Variants in PCSK2 observed in about 807,000 individuals in gnomAD.
The protein encoded by PCSK2 is neuroendocrine convertase 2.
In PCSK2, 14 loss-of-function variants were observed where a neutral mutation model predicts 69.7. The observed-to-expected ratio is 0.20, with a 90% CI of 0.13 to 0.31. The LOEUF (loss-of-function observed/expected upper bound fraction) is 0.31, where lower values mean the gene tolerates loss of function less well. PCSK2 is among the 10% of genes least tolerant of loss of function. The pLI is 1.00. For missense variants in PCSK2, 544 were observed against 842.5 expected, an observed-to-expected ratio of 0.65 and a Z score of 4.39; for synonymous variants, 307 against 320.7, an observed-to-expected ratio of 0.96 and a Z score of 0.46.
chr20:17,250,657 C>A (rs1600410399), intron 1 of PCSK2, among the ~76,000 whole-genome samples: 1 of 152,116 alleles, frequency 6.6e-6, no homozygotes. Flanking sequence ...GGCAATTCCA[C>A]TGTAAGGAAG....
intron 7 of PCSK2, 123 bp downstream of exon 7, chr20:17,429,646 G>T: frequency 3.2e-6 from 2 of 619,294 alleles, no homozygotes; most frequent in Non-Finnish European, 2.7e-6. Context: ...TGGCACAAGT[G>T]AAAAAAATTT....
chr20:17,256,836 T>G (rs925376719), intron 1 of PCSK2, among the ~76,000 whole-genome samples: 4 of 152,140 alleles, frequency 2.6e-5, no homozygotes, highest in African/African-American at 9.7e-5. Context: ...GTGTTCTCAT[T>G]GTTCAACTCC....
At chr20:17,358,132 C>CCG (rs759744301) in intron 2 of PCSK2, among the ~76,000 whole-genome samples, 195 bp from the exon 3 acceptor site, 49 of 150,998 alleles carry the variant, frequency 3.2e-4, no homozygotes, top group Non-Finnish European at 5.3e-4. Flanking sequence ...ATAGCGAGAC[C>CCG]CCCCCTAATC....
At chr20:17,375,668 G>A (rs1399302458) in intron 5 of PCSK2, among the ~76,000 whole-genome samples, 1 of 152,134 alleles carries the variant, frequency 6.6e-6, no homozygotes, top group East Asian at 1.9e-4. Flanking sequence ...ATCAACTCCT[G>A]TTCTGATGGC....
intron 2 of PCSK2, among the ~76,000 whole-genome samples, chr20:17,269,143 G>A (rs6044715): frequency 0.32 from 47,951 of 152,120 alleles, 8,242 homozygotes; most frequent in Middle Eastern, 0.46. Context: ...AAGTGGAGAT[G>A]ATGTGAAATG....
chr20:17,395,598 TATA>T (rs942037990), intron 5 of PCSK2, among the ~76,000 whole-genome samples: 1 of 152,184 alleles, frequency 6.6e-6, no homozygotes, highest in African/African-American at 2.4e-5. Context: ...GAATGGGGGT[TATA>T]ATATTTAATT....
intron 8 of PCSK2, among the ~76,000 whole-genome samples, chr20:17,450,678 T>G (rs2032805661): frequency 6.6e-6 from 1 of 152,162 alleles, no homozygotes; most frequent in African/African-American, 2.4e-5. Flanking sequence ...AGATGGTGCC[T>G]TGTTGCTGTA....
At chr20:17,477,324 T>C (rs1057325039) in intron 11 of PCSK2, among the ~76,000 whole-genome samples, 1 of 143,162 alleles carries the variant, frequency 7.0e-6, no homozygotes, top group African/African-American at 2.6e-5. Flanking sequence ...TTTTATTTTA[T>C]TTTATTTTAT....
At chr20:17,275,007 T>C (rs1010443297) in intron 2 of PCSK2, among the ~76,000 whole-genome samples, 2 of 151,472 alleles carry the variant, frequency 1.3e-5, no homozygotes, top group Non-Finnish European at 2.9e-5. Context: ...CGTAAACTTG[T>C]CTTAGTTTTA....
intron 8 of PCSK2, among the ~76,000 whole-genome samples, chr20:17,448,505 G>A (rs1311430529): frequency 6.6e-6 from 1 of 152,166 alleles, no homozygotes; most frequent in African/African-American, 2.4e-5. Flanking sequence ...TTAAGGCCAT[G>A]CCCAGCAAGT....
intron 4 of PCSK2, among the ~76,000 whole-genome samples, chr20:17,367,975 T>C (rs2030646695): frequency 6.6e-6 from 1 of 152,212 alleles, no homozygotes; most frequent in African/African-American, 2.4e-5. Context: ...GCAGCCATAG[T>C]GACAGCAATT....
At chr20:17,401,942 A>G (rs1270386824) in intron 5 of PCSK2, among the ~76,000 whole-genome samples, 1 of 152,202 alleles carries the variant, frequency 6.6e-6, no homozygotes, top group African/African-American at 2.4e-5. Flanking sequence ...TTAATACATC[A>G]GGTCAGCTCC....
chr20:17,341,627 T>A (rs1328213363), intron 2 of PCSK2, among the ~76,000 whole-genome samples: 1 of 152,232 alleles, frequency 6.6e-6, no homozygotes, highest in East Asian at 1.9e-4. Flanking sequence ...TCTTTTGAAT[T>A]CTAGCAGCAG....
intron 11 of PCSK2, among the ~76,000 whole-genome samples, chr20:17,480,184 C>CTGTTTTTTTTTTTTTTTTTTT (rs2033370888): frequency 2.6e-5 from 2 of 76,996 alleles, no homozygotes; most frequent in Non-Finnish European, 4.7e-5. Flanking sequence ...TTCAGCTTTT[C>CTGTTTTTTTTTTTTTTTTTTT]TTTTTTTTTT....
intron 3 of PCSK2, among the ~76,000 whole-genome samples, chr20:17,360,067 C>T (rs535052002): frequency 6.6e-6 from 1 of 152,248 alleles, no homozygotes; most frequent in East Asian, 1.9e-4. Flanking sequence ...TTAACTAGGA[C>T]ATGTCATCTC....
At chr20:17,385,241 T>C (rs966920923) in intron 5 of PCSK2, among the ~76,000 whole-genome samples, 1 of 152,166 alleles carries the variant, frequency 6.6e-6, no homozygotes, top group African/African-American at 2.4e-5. Context: ...TGTCAAGATG[T>C]AGGAAAATGG....
intron 2 of PCSK2, among the ~76,000 whole-genome samples, chr20:17,272,995 G>A (rs1178638720): frequency 6.6e-6 from 1 of 152,088 alleles, no homozygotes; most frequent in Non-Finnish European, 1.5e-5. Context: ...GAATTCTGTT[G>A]ATAACTTGTC....
chr20:17,309,227 A>G (rs1989426168), intron 2 of PCSK2, among the ~76,000 whole-genome samples: 1 of 152,208 alleles, frequency 6.6e-6, no homozygotes, highest in Non-Finnish European at 1.5e-5. Context: ...TGGCCATAAA[A>G]TAATAGTGAG....
intron 7 of PCSK2, among the ~76,000 whole-genome samples, chr20:17,436,218 C>A (rs1293552661): frequency 4.6e-5 from 7 of 152,154 alleles, no homozygotes; most frequent in Non-Finnish European, 2.9e-5. Flanking sequence ...CCTGACCCCA[C>A]CCGCTCCTGC....
Sources: gnomAD v4.1 joint callset for allele counts (sites outside exome capture counted in the v4.1 genomes callset) on GRCh38, gnomAD v4.1.1 for gene constraint, MANE v1.5 for transcripts, NCBI Gene and HGNC (gene_info 2026-07-23, HGNC 2026-07-21) for gene names.